The following NCKAP5 variants were observed in gnomAD, a reference collection of about 807,000 sequenced individuals.
NCKAP5 encodes the protein NCK associated protein 5.
Under a neutral mutation model 167.0 loss-of-function variants are expected in NCKAP5, and 92 were observed. The ratio of observed to expected loss-of-function variants is 0.55; its 90% CI spans 0.47 to 0.66. The LOEUF (loss-of-function observed/expected upper bound fraction) is 0.66. Ranked by LOEUF, NCKAP5 falls within the 30% of genes least tolerant of loss-of-function variation. The pLI is 0.00. For missense variants in NCKAP5, 2,378 were observed against 2,315.0 expected (o/e 1.03, Z -0.56); for synonymous variants, 891 against 877.4 (o/e 1.02, Z -0.27).
chr2:133,529,099 T>C (rs1685151132), intron 2 of NCKAP5, among the ~76,000 whole-genome samples: 1 of 152,202 alleles, frequency 6.6e-6, no homozygotes, highest in Non-Finnish European at 1.5e-5. Context: ...TTACAGCCTT[T>C]GAAATGTTGT....
intron 12 of NCKAP5, among the ~76,000 whole-genome samples, chr2:132,794,886 T>C (rs1011011552): frequency 2.0e-5 from 3 of 152,154 alleles, no homozygotes; most frequent in African/African-American, 7.2e-5. Context: ...AGAGACATAT[T>C]AGTAGAGCCC....
intron 6 of NCKAP5, among the ~76,000 whole-genome samples, chr2:133,019,961 C>T (rs193079572): frequency 1.7e-3 from 257 of 152,346 alleles, no homozygotes; most frequent in Non-Finnish European, 2.5e-3. Flanking sequence ...CTCCTCCAGG[C>T]GGTCACTCAC....
intron 16 of NCKAP5, among the ~76,000 whole-genome samples, chr2:132,764,331 T>C (rs1681265286): frequency 6.6e-6 from 1 of 152,214 alleles, no homozygotes; most frequent in African/African-American, 2.4e-5. Context: ...GGTCAGAAGA[T>C]ATCACATGGT....
At chr2:132,949,011 AAAGAAAAGAAAAGAAAAG>A (rs1284370724) in intron 8 of NCKAP5, among the ~76,000 whole-genome samples, 6 of 115,148 alleles carry the variant, frequency 5.2e-5, no homozygotes, top group African/African-American at 3.3e-4. Flanking sequence ...AATGAAAAGA[AAAGAAAAGAAAAGAAAAG>A]AAAAGAAAAG....
At chr2:133,483,630 G>C (rs773267787) in intron 3 of NCKAP5, among the ~76,000 whole-genome samples, 9 of 150,630 alleles carry the variant, frequency 6.0e-5, no homozygotes, top group East Asian at 4.0e-4. Flanking sequence ...AAAAAAAAGG[G>C]GGGGGGGCTT....
At chr2:133,152,050 C>A (rs1409670513) in intron 5 of NCKAP5, among the ~76,000 whole-genome samples, 1 of 152,086 alleles carries the variant, frequency 6.6e-6, no homozygotes, top group East Asian at 1.9e-4. Context: ...ATGAAGGAAA[C>A]CAGAATATTT....
intron 11 of NCKAP5, among the ~76,000 whole-genome samples, chr2:132,827,967 T>C (rs1687249513): frequency 6.6e-6 from 1 of 152,156 alleles, no homozygotes; most frequent in Non-Finnish European, 1.5e-5. Flanking sequence ...AGGTAAAACT[T>C]TGGCTTTGAA....
intron 19 of NCKAP5, among the ~76,000 whole-genome samples, chr2:132,717,588 T>C (rs1403586747): frequency 6.6e-6 from 1 of 152,200 alleles, no homozygotes; most frequent in Admixed American, 6.5e-5. Context: ...TAGTTATGAA[T>C]CTCTAAATAT....
intron 8 of NCKAP5, among the ~76,000 whole-genome samples, chr2:132,939,922 C>A (rs1432768762): frequency 6.6e-6 from 1 of 152,138 alleles, no homozygotes; most frequent in African/African-American, 2.4e-5. Context: ...ATCACTTGAA[C>A]CTGGGAAGCA....
At chr2:132,739,053 T>G (rs1274194104) in intron 16 of NCKAP5, among the ~76,000 whole-genome samples, 1 of 152,192 alleles carries the variant, frequency 6.6e-6, no homozygotes, top group Admixed American at 6.5e-5. Flanking sequence ...TTCGTTCACA[T>G]AGCAACATCA....
Position 132,783,013 on chromosome 2 carries a change from C to G in NCKAP5, c.3798G>C (p.Leu1266=). The part of the protein sequence containing the change: ...SSSKPHLKPA[L]GMNGAKARSH... ...TGCGGGCTTTGGCGCCATTCATACC[C>G]AGAGCTGGTTTTAGGTGTGGTTTGC... The change falls in exon 14 of 20, where the codon CTG becomes CTC. Residue 1266 remains leucine (L), a synonymous_variant. Transcript: ENST00000409261. 1 of 1,613,852 alleles carries G rather than the reference C, an allele frequency of 6.2e-7. No individual in the cohort carries two copies.
intron 4 of NCKAP5, among the ~76,000 whole-genome samples, chr2:133,269,208 C>T (rs2089396309): frequency 6.6e-6 from 1 of 152,088 alleles, no homozygotes. Flanking sequence ...CACTATGTGT[C>T]AGTGTTGGAA....
intron 4 of NCKAP5, among the ~76,000 whole-genome samples, chr2:133,230,906 G>A (rs1476303761): frequency 6.6e-6 from 1 of 152,142 alleles, no homozygotes; most frequent in Non-Finnish European, 1.5e-5. Context: ...GCTTCAATTT[G>A]CTAATGTACA....
At chr2:133,414,597 T>C (rs1293874094) in intron 3 of NCKAP5, among the ~76,000 whole-genome samples, 1 of 152,214 alleles carries the variant, frequency 6.6e-6, no homozygotes. Flanking sequence ...TCTGTAGTTA[T>C]GAAATGATAC....
At chr2:133,061,859 C>A (rs901893683) in intron 6 of NCKAP5, among the ~76,000 whole-genome samples, 3 of 152,154 alleles carry the variant, frequency 2.0e-5, no homozygotes, top group African/African-American at 7.2e-5. Context: ...CACACTTGAG[C>A]CCCTCACCAC....
chr2:132,988,740 T>C (rs1573649165), intron 7 of NCKAP5, among the ~76,000 whole-genome samples: 1 of 152,186 alleles, frequency 6.6e-6, no homozygotes, highest in South Asian at 2.1e-4. Context: ...TGCCTAGTAA[T>C]AAAAAACAAA....
chr2:133,111,321 C>T (rs181858445), intron 6 of NCKAP5, among the ~76,000 whole-genome samples: 6 of 152,164 alleles, frequency 3.9e-5, no homozygotes, highest in African/African-American at 1.2e-4. Context: ...AAGGACCTCA[C>T]CAAACCCCAG....
chr2:133,656,104 A>G, the NCKAP5 span, among the ~76,000 whole-genome samples: 1 of 152,234 alleles, frequency 6.6e-6, no homozygotes, highest in Non-Finnish European at 1.5e-5. Flanking sequence ...ACCTTAAAAG[A>G]AGAAAAAGAG....
rs76478288 is a variant in NCKAP5, at chr2:132,753,583, C to T, written c.5128+20233G>A. 6.2e-3 allele frequency among the ~76,000 whole-genome samples: 937 copies of T among 152,286 alleles called. 13 individuals carry two copies. The highest frequency in any genetic ancestry group is 0.022 in the African/African-American group (905 of 41,554). On this transcript the variant is annotated intron_variant, in intron 16 of 19. Coordinates refer to ENST00000409261, the MANE Select transcript of NCKAP5 (RefSeq NM_207363.3). ...CTCAGGAGAATGCCTTTAATGCCCC[C>T]TCTCCCCACATTCTTATTATATGGT...
Sources: gnomAD v4.1 joint callset for allele counts (sites outside exome capture counted in the v4.1 genomes callset) on GRCh38, gnomAD v4.1.1 for gene constraint, MANE v1.5 for transcripts, NCBI Gene and HGNC (gene_info 2026-07-23, HGNC 2026-07-21) for gene names.